BLM: variants seen among roughly 807,000 people sequenced by gnomAD.
BLM encodes recQ-like DNA helicase BLM.
In BLM, 95 loss-of-function variants were observed where a neutral mutation model predicts 135.3. The observed-to-expected ratio is 0.70, with a 90% CI of 0.59 to 0.83. The LOEUF is 0.83. Ranked by LOEUF, BLM falls within the 40% of genes least tolerant of loss-of-function variation. The pLI is 0.00. For synonymous variants in BLM, 520 were observed against 589.2 expected (o/e 0.88, Z 1.70); for missense variants, 1,518 against 1,663.9 (o/e 0.91, Z 1.53).
At chr15:90,742,515 C>T (rs939103747) in intron 1 of BLM, among the ~76,000 whole-genome samples, 1 of 152,156 alleles carries the variant, frequency 6.6e-6, no homozygotes, top group Non-Finnish European at 1.5e-5. Flanking sequence ...GATAGATCCC[C>T]AACCAGTAAC....
At chr15:90,789,417 G>A (rs1000872408) in intron 14 of BLM, among the ~76,000 whole-genome samples, 1 of 152,206 alleles carries the variant, frequency 6.6e-6, no homozygotes, top group Non-Finnish European at 1.5e-5. Flanking sequence ...GATACTGGGA[G>A]ATGCACCTGG....
At chr15:90,772,924 C>T (rs1896361363) in intron 12 of BLM, among the ~76,000 whole-genome samples, 1 of 151,028 alleles carries the variant, frequency 6.6e-6, no homozygotes, top group South Asian at 2.1e-4. Flanking sequence ...AAGGAGAAAC[C>T]CCGTCTCTAC....
At chr15:90,782,037 C>T (rs1896627629) in intron 12 of BLM, among the ~76,000 whole-genome samples, 1 of 152,134 alleles carries the variant, frequency 6.6e-6, no homozygotes, top group Non-Finnish European at 1.5e-5. Context: ...AACCCTTAGC[C>T]TTACTTCCAT....
chr15:90,759,543 G>A (rs1003752304), intron 5 of BLM, among the ~76,000 whole-genome samples: 1 of 152,138 alleles, frequency 6.6e-6, no homozygotes, highest in Non-Finnish European at 1.5e-5. Context: ...TCAGTGAGCA[G>A]TGATTGCACC....
rs576862402 is a variant in BLM, at chr15:90,749,442, T to C, written c.174T>C (p.Pro58=). 58 of 1,612,290 alleles carry C rather than the reference T, an allele frequency of 3.6e-5. No individual in the cohort carries two copies. The African/African-American group carries it at 6.9e-4, about 19-fold the overall frequency. The change falls in exon 3 of 22, where the codon CCT becomes CCC. Residue 58 remains proline, a synonymous_variant. Transcript: ENST00000355112. The part of the protein sequence containing the change: ...SVTNVSVAKT[P]VLRNKDVNVT... ...CTAATGTGTCAGTAGCAAAAACACC[T>C]GTATTAAGAAATAAAGATGTTAATG...
intron 1 of BLM, among the ~76,000 whole-genome samples, chr15:90,735,674 A>G (rs1278076400): frequency 1.3e-5 from 2 of 152,108 alleles, no homozygotes; most frequent in Non-Finnish European, 2.9e-5. Context: ...ACAGGAATAA[A>G]CTCCAAATGA....
chr15:90,755,829 G>A (rs966852787), intron 5 of BLM, among the ~76,000 whole-genome samples: 2 of 151,934 alleles, frequency 1.3e-5, no homozygotes, highest in South Asian at 4.2e-4. Context: ...CAATTTCCGA[G>A]AGCTCTTCTT....
In BLM at chr15:90,794,207, C is replaced by A. The variant is rs763020597; in HGVS notation, c.3060C>A (p.Phe1020Leu). Reference sequence around the variant, plus strand: ...ACCATCATACAAGAGAAACTCACTTCAATAATTTGTATAGCATGGTACATT... The same window carrying A: ...ACCATCATACAAGAGAAACTCACTTAAATAATTTGTATAGCATGGTACATT... ...DGNHHTRETH[F>L]NNLYSMVHYC... Residue 1020 changes from phenylalanine to leucine, a missense_variant, in exon 16 of 22, where the codon TTC becomes TTA. Phe to Leu is a conservative substitution (Grantham distance 22). Coordinates refer to ENST00000355112, the MANE Select transcript of BLM (RefSeq NM_000057.4). The A allele has an allele frequency of 6.2e-7, 1 of 1,605,882 alleles. No homozygotes were observed. Among genetic ancestry groups the A allele is most frequent in the African/African-American group, 1.3e-5 (1 of 74,858 alleles).
Position 90,747,507 on chromosome 15 carries a change from GT to G in BLM, c.98+20del. The G allele has an allele frequency of 5.2e-6, 8 of 1,524,056 alleles. No individual in the cohort carries two copies. The highest frequency in any genetic ancestry group is 7.2e-6 in the Non-Finnish European group (8 of 1,105,716). 94.4% of individuals were successfully genotyped at this position (1,524,056 alleles called of 1,614,324 possible). On this transcript the variant is annotated intron_variant, in intron 2 of 21. Transcript: ENST00000355112. ...AAAATTTTCGTAAGTGTTTTGACTG[GT>G]TTGCTGTCACATAGGCACTAACTTA...
At chr15:90,784,370 A>G (rs1013691425) in intron 13 of BLM, among the ~76,000 whole-genome samples, 6 of 115,272 alleles carry the variant, frequency 5.2e-5, no homozygotes, top group Non-Finnish European at 9.7e-5. Flanking sequence ...GTCTCACTCT[A>G]TCTCCAGGCA....
In BLM at chr15:90,763,024, T is replaced by TA. The variant is rs769500896; in HGVS notation, c.1942dup (p.Ser648LysfsTer14). On this transcript the variant is annotated frameshift_variant, in exon 8 of 22. Coordinates refer to ENST00000355112, the MANE Select transcript of BLM (RefSeq NM_000057.4). LOFTEE classifies it high-confidence loss of function. ...TGAAACATGAGCGTTTCCAAAGTCT[T>TA]AGTTTTCCTCATACAAAGGAAATGA... is the stretch of plus-strand genomic sequence containing the variant. 1 of 1,613,914 alleles carries TA rather than the reference T, an allele frequency of 6.2e-7. No individual in the cohort carries two copies. Among genetic ancestry groups the TA allele is most frequent in the East Asian group, 2.2e-5 (1 of 44,878 alleles).
intron 1 of BLM, 134 bp from the exon 2 acceptor site, chr15:90,747,255 A>T (rs1895526951): frequency 1.6e-6 from 1 of 623,150 alleles, no homozygotes; most frequent in Admixed American, 3.0e-5. Context: ...AAAAAAAAAA[A>T]AAAAAAAAGT....
chr15:90,769,258 A>G, intron 11 of BLM, 27 bp downstream of exon 11: 1 of 1,562,942 alleles, frequency 6.4e-7, no homozygotes, highest in Non-Finnish European at 8.8e-7. Flanking sequence ...ATATCCGGAA[A>G]TACCGATAAA....
At chr15:90,736,006 T>C (rs536347258) in intron 1 of BLM, among the ~76,000 whole-genome samples, 8 of 152,296 alleles carry the variant, frequency 5.3e-5, no homozygotes, top group Admixed American at 3.9e-4. Context: ...CATCCTTAAA[T>C]ATGTGAAGAA....
intron 1 of BLM, among the ~76,000 whole-genome samples, chr15:90,724,535 C>T (rs2151128009): frequency 6.6e-6 from 1 of 152,206 alleles, no homozygotes; most frequent in African/African-American, 2.4e-5. Context: ...GTGCAGACCC[C>T]AAATGTTAAG....
rs888215743 is a variant in BLM at position 90,792,929 on chromosome 15, T to A, written c.3020-1238T>A. On this transcript the variant is annotated intron_variant, in intron 15 of 21. Transcript: ENST00000355112. ...TTGGTTTGCCCATTTGTGTTTTTTTTAAAATCTATATTAAAGCTAGGCCCA... is the reference window on the plus strand; with the variant it reads ...TTGGTTTGCCCATTTGTGTTTTTTTAAAAATCTATATTAAAGCTAGGCCCA... Among the ~76,000 whole-genome samples, 10 of 151,098 alleles carry A rather than the reference T, an allele frequency of 6.6e-5. No homozygotes were observed. The South Asian group carries it at 8.3e-4, about 13-fold the overall frequency.
chr15:90,743,230 C>T (rs1043830081), intron 1 of BLM, among the ~76,000 whole-genome samples: 2 of 151,996 alleles, frequency 1.3e-5, no homozygotes, highest in African/African-American at 4.8e-5. Flanking sequence ...CCCCCTGCCT[C>T]AGCCTCCCAA....
intron 1 of BLM, among the ~76,000 whole-genome samples, chr15:90,719,103 T>G (rs1401580368): frequency 6.6e-6 from 1 of 152,074 alleles, no homozygotes; most frequent in Non-Finnish European, 1.5e-5. Context: ...GCCATTCTCC[T>G]GCCTCAGCCT....
At chr15:90,805,881 T>C (rs1596269574) in intron 19 of BLM, among the ~76,000 whole-genome samples, 1 of 151,980 alleles carries the variant, frequency 6.6e-6, no homozygotes, top group East Asian at 2.0e-4. Context: ...TTGTGCTGAT[T>C]ATTTGCCTGC....
Sources: gnomAD v4.1 joint callset for allele counts (sites outside exome capture counted in the v4.1 genomes callset) on GRCh38, gnomAD v4.1.1 for gene constraint, MANE v1.5 for transcripts, NCBI Gene and HGNC (gene_info 2026-07-23, HGNC 2026-07-21) for gene names.